TBC1D1: variants seen among roughly 807,000 people sequenced by gnomAD.
TBC1D1 encodes the protein TBC1 (tre-2/USP6, BUB2, cdc16) domain family, member 1.
In TBC1D1, 89 loss-of-function variants were observed where a neutral mutation model predicts 125.6. That is an observed-to-expected ratio of 0.71 (90% CI 0.60 to 0.85). The LOEUF is 0.85. Among genes scored for constraint, TBC1D1 ranks in the 40% least tolerant of loss-of-function variants. TBC1D1 has a pLI of 0.00. For missense variants in TBC1D1, 1,377 were observed against 1,469.2 expected (o/e 0.94, Z 1.03); for synonymous variants, 565 against 564.1 (o/e 1.00, Z -0.02).
intron 2 of TBC1D1, among the ~76,000 whole-genome samples, chr4:37,980,948 C>CAT (rs367900112): frequency 6.8e-5 from 10 of 146,756 alleles, no homozygotes; most frequent in Middle Eastern, 3.5e-3. Flanking sequence ...AAAAAGGAAT[C>CAT]TTTTTTTTTT....
Position 37,960,695 on chromosome 4 carries a change from C to A in TBC1D1, c.418-53814C>A, listed in dbSNP as rs541513996. The A allele has an allele frequency of 4.2e-5, 68 of 1,614,182 alleles. No individual in the cohort carries two copies. Among genetic ancestry groups the A allele is most frequent in the Middle Eastern group, 1.6e-4 (1 of 6,062 alleles). On this transcript the variant is annotated intron_variant, in intron 2 of 19. Coordinates refer to ENST00000261439, the MANE Select transcript of TBC1D1 (RefSeq NM_015173.4). ...GACCCAGAAAACAAAAACAGCCAAG[C>A]TTTTCTGCCAAAAAGATGACCGAGA...
intron 14 of TBC1D1, among the ~76,000 whole-genome samples, chr4:38,102,797 T>C (rs886966624): frequency 2.0e-5 from 3 of 151,842 alleles, no homozygotes; most frequent in Admixed American, 6.6e-5. Flanking sequence ...GGGAGGATCA[T>C]TGGAGCCCAC....
chr4:38,074,733 T>C (rs1437252518), intron 12 of TBC1D1, among the ~76,000 whole-genome samples: 3 of 151,986 alleles, frequency 2.0e-5, no homozygotes, highest in South Asian at 2.1e-4. Context: ...TATTCAGTTA[T>C]GGTCAGTAGA....
At chr4:37,921,460 G>A (rs928340037) in intron 2 of TBC1D1, among the ~76,000 whole-genome samples, 1 of 151,246 alleles carries the variant, frequency 6.6e-6, no homozygotes, top group Non-Finnish European at 1.5e-5. Flanking sequence ...AAGCTGGAGT[G>A]CAGTGGCGTG....
intron 7 of TBC1D1, among the ~76,000 whole-genome samples, chr4:38,034,606 G>T (rs776606687): frequency 6.6e-6 from 1 of 152,202 alleles, no homozygotes; most frequent in Non-Finnish European, 1.5e-5. Flanking sequence ...GTGACCAAGA[G>T]TGGTGTTGAC....
At chr4:38,114,064 C>G (rs12642327) in intron 15 of TBC1D1, among the ~76,000 whole-genome samples, 6 of 151,850 alleles carry the variant, frequency 4.0e-5, no homozygotes, top group African/African-American at 7.2e-5. Flanking sequence ...CACACACACA[C>G]CTGCACACAA....
chr4:37,968,373 G>A (rs1420015489), intron 2 of TBC1D1, among the ~76,000 whole-genome samples: 15 of 152,212 alleles, frequency 9.9e-5, no homozygotes, highest in Admixed American at 8.5e-4. Flanking sequence ...TATTAATTTT[G>A]CAAGGCTTTT....
At chr4:37,938,109 A>C (rs1724776586) in intron 2 of TBC1D1, among the ~76,000 whole-genome samples, 1 of 152,168 alleles carries the variant, frequency 6.6e-6, no homozygotes. Flanking sequence ...TACTGGGTGC[A>C]GTGGTACACA....
intron 13 of TBC1D1, among the ~76,000 whole-genome samples, chr4:38,094,588 C>T (rs1486045798): frequency 6.6e-6 from 1 of 152,192 alleles, no homozygotes; most frequent in Non-Finnish European, 1.5e-5. Flanking sequence ...GATACGGAAA[C>T]AGCAGGATGT....
chr4:37,969,580 G>A lies in TBC1D1; in HGVS notation c.418-44929G>A, dbSNP rs891238975. Among the ~76,000 whole-genome samples the A allele has an allele frequency of 5.9e-5, 9 of 152,024 alleles. 1 individual carries two copies. In the South Asian group the frequency reaches 1.0e-3, roughly 18 times the overall value. On this transcript the variant is annotated intron_variant, in intron 2 of 19. Transcript: ENST00000261439. ...AGGCTGGCCTTGAACTCTTGACCTC[G>A]GGTGATCCACTGCCTCAGCCTCCCA...
intron 11 of TBC1D1, chr4:38,053,183 C>T (rs1751060806): frequency 1.3e-6 from 2 of 1,531,240 alleles, no homozygotes; most frequent in Non-Finnish European, 1.8e-6. Flanking sequence ...TTTCTGGCTC[C>T]TGTAGATGAA....
At position 37,976,467 on chromosome 4, in the gene TBC1D1, G is replaced by T. The variant is rs143574512; in HGVS notation, c.418-38042G>T. Among the ~76,000 whole-genome samples the T allele has an allele frequency of 3.7e-3, 570 of 152,332 alleles. 7 individuals are homozygous for T. Among genetic ancestry groups the T allele is most frequent in the African/African-American group, 0.013 (542 of 41,568 alleles). On this transcript the variant is annotated intron_variant, in intron 2 of 19. Transcript: ENST00000261439. ...GTAGCTAATACCCTCACTAAACTCA[G>T]ATGCCAGATATTTAGGGAACAACAT...
intron 2 of TBC1D1, chr4:37,960,427 A>G (rs761174645): frequency 6.2e-7 from 1 of 1,606,238 alleles, no homozygotes; most frequent in Admixed American, 1.7e-5. Flanking sequence ...GAGCGGCAAT[A>G]ATCCAGAATG....
chr4:38,060,442 C>T (rs1054683852), intron 12 of TBC1D1, among the ~76,000 whole-genome samples: 1 of 152,160 alleles, frequency 6.6e-6, no homozygotes, highest in African/African-American at 2.4e-5. Flanking sequence ...ACAGTATCTC[C>T]TTGTGGTTTT....
At chr4:38,061,647 G>A (rs1457698279) in intron 12 of TBC1D1, among the ~76,000 whole-genome samples, 1 of 152,112 alleles carries the variant, frequency 6.6e-6, no homozygotes, top group African/African-American at 2.4e-5. Flanking sequence ...TGAAACTTAA[G>A]TTCAAAGTTT....
intron 12 of TBC1D1, among the ~76,000 whole-genome samples, chr4:38,079,753 C>T (rs1388662719): frequency 6.6e-6 from 1 of 151,866 alleles, no homozygotes; most frequent in East Asian, 1.9e-4. Context: ...AGTTATATTA[C>T]ATTTTAAAAC....
Position 38,049,982 on chromosome 4 carries a change from G to C in TBC1D1, c.1910+84G>C, listed in dbSNP as rs1750196952. 2.1e-6 allele frequency: 3 copies of C among 1,434,320 alleles called. No homozygotes were observed. In the East Asian group the frequency reaches 6.9e-5, roughly 33 times the overall value. 88.8% of individuals were successfully genotyped at this position (1,434,320 alleles called of 1,614,324 possible). ...TATGTGCATCCCAGGTATGTTTATT[G>C]AGTGAGAGAAATGAGTCAGGCTTTA... On this transcript the variant is annotated intron_variant, in intron 11 of 19. Transcript: ENST00000261439.
intron 12 of TBC1D1, among the ~76,000 whole-genome samples, chr4:38,069,932 A>G (rs1313938060): frequency 1.3e-5 from 2 of 152,090 alleles, no homozygotes; most frequent in Admixed American, 1.3e-4. Flanking sequence ...GTGGCCCAAG[A>G]CAATTCTTCT....
intron 2 of TBC1D1, among the ~76,000 whole-genome samples, chr4:37,908,377 T>G (rs1717813283): frequency 6.6e-6 from 1 of 152,138 alleles, no homozygotes; most frequent in Admixed American, 6.6e-5. Context: ...AGCTAATTTT[T>G]GTATTTTTAG....
Sources: allele counts gnomAD v4.1 joint callset (sites outside exome capture counted in the v4.1 genomes callset), GRCh38; gene constraint gnomAD v4.1.1; transcripts MANE v1.5; gene names NCBI Gene and HGNC (gene_info 2026-07-23, HGNC 2026-07-21).